The following NDUFS6 variants were observed in gnomAD, a reference collection of about 807,000 sequenced individuals.
NDUFS6 encodes NADH dehydrogenase [ubiquinone] iron-sulfur protein 6, mitochondrial.
In NDUFS6, 14 loss-of-function variants were observed where a neutral mutation model predicts 13.2. The observed-to-expected ratio is 1.06, with a 90% CI of 0.70 to 1.66. NDUFS6 has a LOEUF of 1.66. Among genes scored for constraint, NDUFS6 ranks in the 40% most tolerant of loss-of-function variants. The pLI, the probability that NDUFS6 is intolerant of heterozygous loss-of-function variation, is 0.00. For synonymous variants in NDUFS6, 95 were observed against 72.3 expected, an observed-to-expected ratio of 1.31 and a Z score of -1.60; for missense variants, 206 against 170.8, an observed-to-expected ratio of 1.21 and a Z score of -1.15.
At chr5:1,806,224 T>C (rs1413748311) in intron 2 of NDUFS6, among the ~76,000 whole-genome samples, 1 of 152,226 alleles carries the variant, frequency 6.6e-6, no homozygotes, top group African/African-American at 2.4e-5. Context: ...CCTCTCCACC[T>C]GTGTGTGTCA....
At chr5:1,807,224 C>T (rs549205943) in intron 2 of NDUFS6, among the ~76,000 whole-genome samples, 5 of 69,652 alleles carry the variant, frequency 7.2e-5, no homozygotes, top group African/African-American at 2.8e-4. Context: ...TCCTCTGATA[C>T]GGGGGACCAG....
rs1734229475 is a variant in NDUFS6 at position 1,812,267 on chromosome 5, AC to A, written c.187-2069del. On this transcript the variant is annotated intron_variant, in intron 2 of 3. Transcript: ENST00000274137. Reference sequence around the variant, plus strand: ...CAGCCAGAATCCTTCATGAGGCAGAACCCTCATGACCTCAGTACCTCTGAAG... The same window carrying A: ...CAGCCAGAATCCTTCATGAGGCAGAACCTCATGACCTCAGTACCTCTGAAG... Among the ~76,000 whole-genome samples, 4 of 151,740 alleles carry A rather than the reference AC, an allele frequency of 2.6e-5. No individual in the cohort carries two copies. In the South Asian group the frequency reaches 8.3e-4, roughly 32 times the overall value.
intron 2 of NDUFS6, among the ~76,000 whole-genome samples, chr5:1,813,789 G>A (rs888105607): frequency 3.9e-5 from 6 of 152,212 alleles, no homozygotes; most frequent in Non-Finnish European, 5.9e-5. Flanking sequence ...AACCTAACCG[G>A]CATTCAGGAC....
chr5:1,802,428 C>G (rs756522302), intron 2 of NDUFS6, 54 bp downstream of exon 2: 153 of 1,413,168 alleles, frequency 1.1e-4, no homozygotes, highest in Middle Eastern at 1.8e-4. Context: ...TTTTATGTAA[C>G]CAACAAGAAA....
intron 1 of NDUFS6, 126 bp from the exon 2 acceptor site, chr5:1,802,195 G>A: frequency 2.3e-6 from 2 of 884,122 alleles, no homozygotes; most frequent in South Asian, 2.9e-5. Context: ...CTGTGCACTT[G>A]TTTGACTTTT....
At chr5:1,804,076 G>A (rs922849686) in intron 2 of NDUFS6, among the ~76,000 whole-genome samples, 2 of 152,192 alleles carry the variant, frequency 1.3e-5, no homozygotes, top group Non-Finnish European at 2.9e-5. Context: ...CCTGGGCATC[G>A]ATGGGTGGTT....
rs530782608 is a variant in NDUFS6 at position 1,815,701 on chromosome 5, C to T, written c.310-150C>T. ...CCAGGGGCTTCGGTCAGCCTGGAAC[C>T]GAGATCGACAGTCTGCATTCTTACT... On this transcript the variant is annotated intron_variant, in intron 3 of 3. Transcript: ENST00000274137. The T allele has an allele frequency of 7.7e-4, 659 of 860,586 alleles. 2 individuals carry two copies. Among genetic ancestry groups the T allele is most frequent in the Non-Finnish European group, 1.1e-3 (553 of 524,284 alleles). 53.3% of individuals were successfully genotyped at this position (860,586 alleles called of 1,614,324 possible). A position where few individuals can be genotyped will look rare whatever the true frequency, so the allele number is the denominator to read the frequency against.
intron 2 of NDUFS6, among the ~76,000 whole-genome samples, chr5:1,802,915 T>TG (rs1734071983): frequency 9.3e-6 from 1 of 107,246 alleles, no homozygotes; most frequent in Non-Finnish European, 2.5e-5. Flanking sequence ...TAAATCAGCC[T>TG]ATTTTTTTTT....
At chr5:1,801,672 T>G in intron 1 of NDUFS6, 123 bp downstream of exon 1, 2 of 1,402,512 alleles carry the variant, frequency 1.4e-6, no homozygotes, top group Non-Finnish European at 1.9e-6. Flanking sequence ...GTGGTAAGGT[T>G]GTGCTGTCGC....
intron 1 of NDUFS6, among the ~76,000 whole-genome samples, chr5:1,801,813 G>C (rs971997549): frequency 3.9e-5 from 6 of 152,256 alleles, no homozygotes; most frequent in African/African-American, 1.4e-4. Context: ...CTGTGGACTG[G>C]CTGCCCATAG....
At chr5:1,803,141 T>C (rs1734076171) in intron 2 of NDUFS6, among the ~76,000 whole-genome samples, 1 of 152,220 alleles carries the variant, frequency 6.6e-6, no homozygotes, top group Non-Finnish European at 1.5e-5. Flanking sequence ...CCCTTCTCCT[T>C]CAATCTTGGT....
chr5:1,810,284 G>A (rs1227737464), intron 2 of NDUFS6, among the ~76,000 whole-genome samples: 2 of 152,228 alleles, frequency 1.3e-5, no homozygotes, highest in Admixed American at 6.5e-5. Context: ...GGCGGGGCTG[G>A]CCCTCCAGGA....
chr5:1,804,416 G>A (rs3776147), intron 2 of NDUFS6, among the ~76,000 whole-genome samples: 75,153 of 152,196 alleles, frequency 0.49, 21,793 homozygotes, highest in Middle Eastern at 0.66. Context: ...GGGTGGGTAC[G>A]GGATAGTGTG....
At chr5:1,810,291 A>G (rs2111356495) in intron 2 of NDUFS6, among the ~76,000 whole-genome samples, 1 of 152,332 alleles carries the variant, frequency 6.6e-6, no homozygotes, top group Admixed American at 6.5e-5. Context: ...CTGGCCCTCC[A>G]GGAGGGGACA....
chr5:1,811,955 A>G (rs1734225462), intron 2 of NDUFS6, among the ~76,000 whole-genome samples: 1 of 152,250 alleles, frequency 6.6e-6, no homozygotes, highest in East Asian at 1.9e-4. Flanking sequence ...GTGCTGAGGT[A>G]AAGTTTCTGT....
At position 1,801,567 on chromosome 5, in the gene NDUFS6, C is replaced by T. The variant is rs986574767; in HGVS notation, c.132+18C>T. ...CTGGCCAGGTAACGGCCGCTGGGTA[C>T]AGGATGCACCTTCCTCCAGCCGCAC... On this transcript the variant is annotated intron_variant, in intron 1 of 3. Coordinates refer to ENST00000274137, the MANE Select transcript of NDUFS6 (RefSeq NM_004553.6). 1 of 1,567,628 alleles carries T rather than the reference C, an allele frequency of 6.4e-7. No homozygotes were observed. The highest frequency in any genetic ancestry group is 1.1e-5 in the South Asian group (1 of 87,242).
Position 1,815,924 on chromosome 5 carries a change from G to T in NDUFS6, c.*8G>T. On this transcript the variant is annotated 3_prime_UTR_variant, in exon 4 of 4. Transcript: ENST00000274137. ...AGACAGCACCACCACTAGAGCGTGT[G>T]GCACGCCGGGGGTCCCGCAGCATCC... is the stretch of plus-strand genomic sequence containing the variant. The T allele has an allele frequency of 6.2e-7, 1 of 1,614,200 alleles. No homozygotes were observed. Among genetic ancestry groups the T allele is most frequent in the Non-Finnish European group, 8.5e-7 (1 of 1,180,004 alleles).
chr5:1,807,473 T>G (rs2111353132), intron 2 of NDUFS6, among the ~76,000 whole-genome samples: 1 of 151,974 alleles, frequency 6.6e-6, no homozygotes, highest in East Asian at 1.9e-4. Context: ...AAGAGGGAAG[T>G]GGCTTCAGGC....
At chr5:1,805,240 AG>A (rs1327627126) in intron 2 of NDUFS6, among the ~76,000 whole-genome samples, 2 of 152,092 alleles carry the variant, frequency 1.3e-5, no homozygotes, top group African/African-American at 4.8e-5. Context: ...CTGAGGTGGG[AG>A]GGTCATTGAG....
Sources: gnomAD v4.1 joint callset for allele counts (sites outside exome capture counted in the v4.1 genomes callset) on GRCh38, gnomAD v4.1.1 for gene constraint, MANE v1.5 for transcripts, NCBI Gene and HGNC (gene_info 2026-07-23, HGNC 2026-07-21) for gene names.